Variants in XIRP2 observed in about 807,000 individuals in gnomAD.
XIRP2 encodes the protein xin actin-binding repeat-containing protein 2.
In XIRP2, 236 loss-of-function variants were observed where a neutral mutation model predicts 277.0. The ratio of observed to expected loss-of-function variants is 0.85; its 90% confidence interval spans 0.77 to 0.95. The LOEUF is 0.95. Among genes scored for constraint, XIRP2 ranks in the 40% least tolerant of loss-of-function variants. The probability of loss-of-function intolerance (pLI) is 0.00; values close to 1 mark genes in which losing one functional copy is unlikely to be tolerated. For synonymous variants in XIRP2, 1,490 were observed against 1,416.5 expected, an observed-to-expected ratio of 1.05 and a Z score of -1.17; for missense variants, 4,640 against 4,157.5, an observed-to-expected ratio of 1.12 and a Z score of -3.19.
intron 2 of XIRP2, among the ~76,000 whole-genome samples, chr2:166,963,037 ATGTC>A (rs1686337728): frequency 6.6e-6 from 1 of 151,674 alleles, no homozygotes; most frequent in Admixed American, 6.6e-5. Flanking sequence ...AAAATGATAA[ATGTC>A]TGAGATTACA....
intron 2 of XIRP2, among the ~76,000 whole-genome samples, chr2:166,979,054 T>C (rs1306509104): frequency 6.6e-6 from 1 of 152,230 alleles, no homozygotes; most frequent in African/African-American, 2.4e-5. Flanking sequence ...ACTTGTTTTG[T>C]TGATATCATA....
intron 3 of XIRP2, among the ~76,000 whole-genome samples, chr2:167,161,747 G>A (rs1329813342): frequency 1.3e-5 from 2 of 152,144 alleles, no homozygotes; most frequent in African/African-American, 2.4e-5. Context: ...CATTGTTTGG[G>A]GATTAACATT....
In XIRP2 at chr2:166,927,417, C is replaced by G. The variant is rs1405223129; in HGVS notation, c.408+23527C>G. On this transcript the variant is annotated intron_variant, in intron 2 of 10. Coordinates refer to ENST00000409195, the MANE Select transcript of XIRP2 (RefSeq NM_152381.6). ...TAAAATCAAAGTGTTGGCAAGTCTG[C>G]ATTTTTTTCTGGAGGCTCTAAGACT... is the stretch of plus-strand genomic sequence containing the variant. Among the ~76,000 whole-genome samples the G allele has an allele frequency of 2.0e-5, 3 of 152,114 alleles. No individual in the cohort carries two copies. In the East Asian group the frequency reaches 5.8e-4, roughly 29 times the overall value.
chr2:167,117,255 C>T (rs1428403313), intron 2 of XIRP2, among the ~76,000 whole-genome samples: 5 of 152,106 alleles, frequency 3.3e-5, no homozygotes, highest in Non-Finnish European at 7.4e-5. Context: ...CTAGTATTGG[C>T]GTTAAAATCT....
chr2:167,009,023 G>A (rs1687585288), intron 2 of XIRP2, among the ~76,000 whole-genome samples: 1 of 150,792 alleles, frequency 6.6e-6, no homozygotes, highest in African/African-American at 2.4e-5. Flanking sequence ...ATTAGCCACT[G>A]CTGCAACTTC....
intron 2 of XIRP2, among the ~76,000 whole-genome samples, chr2:166,983,437 C>T (rs1686925781): frequency 6.6e-6 from 1 of 152,084 alleles, no homozygotes; most frequent in Non-Finnish European, 1.5e-5. Flanking sequence ...ATCCAACATC[C>T]AGGTCATCTC....
chr2:166,985,622 G>A (rs1312410070), intron 2 of XIRP2, among the ~76,000 whole-genome samples: 1 of 151,980 alleles, frequency 6.6e-6, no homozygotes, highest in Non-Finnish European at 1.5e-5. Context: ...AGTAGAGACA[G>A]GGTTTCACCG....
chr2:167,208,199 AAT>A (rs1374208070), intron 3 of XIRP2, among the ~76,000 whole-genome samples: 1 of 152,254 alleles, frequency 6.6e-6, no homozygotes, highest in Non-Finnish European at 1.5e-5. Context: ...TTCTAACAGA[AAT>A]AGTCATTTGA....
chr2:166,889,738 G>A (rs867263568), intron 1 of XIRP2: 2 of 152,892 alleles, frequency 1.3e-5, no homozygotes, highest in Non-Finnish European at 1.5e-5. Flanking sequence ...CTACCTGCTT[G>A]GGGTTCTTGA....
intron 2 of XIRP2, among the ~76,000 whole-genome samples, chr2:167,027,275 C>T (rs1688192147): frequency 6.6e-6 from 1 of 152,104 alleles, no homozygotes; most frequent in Non-Finnish European, 1.5e-5. Context: ...CACTGATACC[C>T]TTTCTTCCAG....
intron 5 of XIRP2, among the ~76,000 whole-genome samples, chr2:167,223,126 C>G (rs778082901): frequency 4.6e-5 from 7 of 152,086 alleles, no homozygotes; most frequent in Non-Finnish European, 8.8e-5. Flanking sequence ...TTTTCCTTTT[C>G]TTTCCTCCAT....
At chr2:167,037,462 G>C (rs996175508) in intron 2 of XIRP2, among the ~76,000 whole-genome samples, 10 of 151,006 alleles carry the variant, frequency 6.6e-5, no homozygotes, top group Middle Eastern at 3.4e-3. Context: ...TATCTCTGTA[G>C]TTTTGCTGCA....
chr2:166,900,902 A>G (rs1441446032), intron 1 of XIRP2, among the ~76,000 whole-genome samples: 1 of 152,136 alleles, frequency 6.6e-6, no homozygotes, highest in Non-Finnish European at 1.5e-5. Flanking sequence ...CATGGCTTCC[A>G]CTGACATCTA....
chr2:167,118,435 T>A (rs1690956741), intron 2 of XIRP2, among the ~76,000 whole-genome samples: 1 of 150,934 alleles, frequency 6.6e-6, no homozygotes, highest in Admixed American at 6.6e-5. Context: ...TGAGCCAAGA[T>A]CGGGCCACCG....
At chr2:167,146,839 G>A (rs920629191) in intron 3 of XIRP2, among the ~76,000 whole-genome samples, 6 of 151,960 alleles carry the variant, frequency 3.9e-5, no homozygotes, top group Non-Finnish European at 7.4e-5. Context: ...TACGTAATAC[G>A]ACAGAATTAC....
At chr2:166,975,659 C>T (rs1686690953) in intron 2 of XIRP2, among the ~76,000 whole-genome samples, 1 of 152,112 alleles carries the variant, frequency 6.6e-6, no homozygotes, top group African/African-American at 2.4e-5. Flanking sequence ...GGCGCGGTGG[C>T]TCACGCCTGT....
chr2:167,122,547 G>T (rs1442353266), intron 2 of XIRP2, among the ~76,000 whole-genome samples: 1 of 152,098 alleles, frequency 6.6e-6, no homozygotes, highest in Non-Finnish European at 1.5e-5. Flanking sequence ...TCACTTGGAT[G>T]TCCAGGCAAT....
chr2:167,245,604 T>G lies in XIRP2; in HGVS notation c.4212T>G (p.His1404Gln). 6.2e-7 allele frequency: 1 copy of G among 1,613,686 alleles called. No individual in the cohort carries two copies. Reference protein sequence around the residue: ...QPLDQISEESHNIMPSIDHIQ... With the variant: ...QPLDQISEESQNIMPSIDHIQ... Reference sequence around the variant, plus strand: ...TGGATCAGATTTCTGAAGAATCACATAATATTATGCCCAGTATTGACCATA... The same window carrying G: ...TGGATCAGATTTCTGAAGAATCACAGAATATTATGCCCAGTATTGACCATA... The change falls in exon 9 of 11, where the codon CAT becomes CAG. Residue 1404 changes from histidine (H) to glutamine (Q), a missense_variant. Coordinates refer to ENST00000409195, the MANE Select transcript of XIRP2 (RefSeq NM_152381.6).
intron 2 of XIRP2, among the ~76,000 whole-genome samples, chr2:167,020,321 A>T (rs1183752295): frequency 6.6e-6 from 1 of 152,010 alleles, no homozygotes; most frequent in Non-Finnish European, 1.5e-5. Flanking sequence ...ATACTATTAA[A>T]CATTCAAATA....
Sources: gnomAD v4.1 joint callset for allele counts (sites outside exome capture counted in the v4.1 genomes callset) on GRCh38, gnomAD v4.1.1 for gene constraint, MANE v1.5 for transcripts, NCBI Gene and HGNC (gene_info 2026-07-23, HGNC 2026-07-21) for gene names.